The following IL1RAPL2 variants were observed in gnomAD, a reference collection of about 807,000 sequenced individuals.
IL1RAPL2 encodes the protein interleukin 1 receptor accessory protein like 2, also known as X-linked interleukin-1 receptor accessory protein-like 2.
In IL1RAPL2, 3 loss-of-function variants were observed where a neutral mutation model predicts 44.1. The observed-to-expected ratio is 0.07, with a 90% confidence interval of 0.03 to 0.18. The LOEUF is 0.18. Among genes scored for constraint, IL1RAPL2 ranks in the 10% least tolerant of loss-of-function variants. The pLI, the probability that IL1RAPL2 is intolerant of heterozygous loss-of-function variation, is 1.00. For missense variants in IL1RAPL2, 391 were observed against 496.4 expected, an observed-to-expected ratio of 0.79 and a Z score of 2.02; for synonymous variants, 181 against 178.8, an observed-to-expected ratio of 1.01 and a Z score of -0.10.
intron 6 of IL1RAPL2, among the ~76,000 whole-genome samples, chrX:105,547,685 G>T (rs187635244): frequency 8.9e-6 from 1 of 112,206 alleles, no homozygotes; most frequent in African/African-American, 3.2e-5. Flanking sequence ...TTCCCAAGTG[G>T]TTCTCATTCT....
At chrX:104,762,445 A>G (rs1483766809) in intron 2 of IL1RAPL2, among the ~76,000 whole-genome samples, 1 of 111,766 alleles carries the variant, frequency 8.9e-6, no homozygotes, top group Non-Finnish European at 1.9e-5. Context: ...GGCTGCCTTC[A>G]TGGGCTGGCA....
chrX:104,967,538 TAAGAG>T (rs982406375), intron 2 of IL1RAPL2, among the ~76,000 whole-genome samples: 4 of 108,544 alleles, frequency 3.7e-5, no homozygotes, highest in Non-Finnish European at 5.8e-5. Flanking sequence ...AAAAAGAAAA[TAAGAG>T]GAGGACAGAA....
chrX:104,611,632 T>A (rs1413099386), intron 1 of IL1RAPL2, among the ~76,000 whole-genome samples: 3 of 109,328 alleles, frequency 2.7e-5, no homozygotes, highest in African/African-American at 1.0e-4. Flanking sequence ...GGTCAGGAGA[T>A]CCAGACCATC....
At position 105,393,013 on chromosome X, in the gene IL1RAPL2, T is replaced by C. The variant is rs778525447; in HGVS notation, c.698-91300T>C. On this transcript the variant is annotated intron_variant, in intron 5 of 10. Transcript: ENST00000372582. Reference sequence around the variant, plus strand: ...GCGTAATCAACCAATGAGTTCTTTCTGCCTGCTGCACAGACAAAATCAATT... The same window carrying C: ...GCGTAATCAACCAATGAGTTCTTTCCGCCTGCTGCACAGACAAAATCAATT... Among the ~76,000 whole-genome samples, 7 of 112,867 alleles carry C rather than the reference T, an allele frequency of 6.2e-5. No homozygotes were observed. The East Asian group carries it at 1.7e-3, about 27-fold the overall frequency.
intron 2 of IL1RAPL2, among the ~76,000 whole-genome samples, chrX:104,933,651 A>G (rs1443732161): frequency 8.9e-6 from 1 of 111,752 alleles, no homozygotes; most frequent in African/African-American, 3.3e-5. Flanking sequence ...CATGTATTCC[A>G]TCAGTTCTGA....
intron 2 of IL1RAPL2, among the ~76,000 whole-genome samples, chrX:104,955,064 G>A (rs764814163): frequency 1.8e-5 from 2 of 112,091 alleles, no homozygotes; most frequent in East Asian, 2.8e-4. Context: ...GAAAAAGGGT[G>A]GTAACTTCTG....
chrX:105,603,585 G>A (rs1435810291), intron 6 of IL1RAPL2, among the ~76,000 whole-genome samples: 1 of 111,347 alleles, frequency 9.0e-6, no homozygotes, highest in Admixed American at 9.5e-5. Flanking sequence ...TATAATAATA[G>A]TTGAGGACTT....
At chrX:104,943,949 T>C (rs1045243048) in intron 2 of IL1RAPL2, among the ~76,000 whole-genome samples, 3 of 112,008 alleles carry the variant, frequency 2.7e-5, no homozygotes, top group African/African-American at 9.7e-5. Flanking sequence ...CAAATAATAC[T>C]ATGTCAGGAA....
At position 104,658,978 on chromosome X, in the gene IL1RAPL2, T is replaced by C. The variant is rs139525400; in HGVS notation, c.65T>C (p.Val22Ala). The change falls in exon 2 of 11, where the codon GTG (valine) becomes GCG (alanine). Residue 22 changes from valine to alanine, a missense_variant. By Grantham distance (64) the Val-to-Ala change is moderately conservative. This residue lies in a region of IL1RAPL2 where 159 missense variants were observed against 251.7 expected (regional missense o/e 0.63). Coordinates refer to ENST00000372582, the MANE Select transcript of IL1RAPL2 (RefSeq NM_017416.2). ...GTAGTCAGCACAAATCTGAAGATGG[T>C]GTCAAAGAGAAATTCTGGTAAGTTG... ...CSVVSTNLKM[V>A]SKRNSVDGCI... The C allele has an allele frequency of 9.4e-5, 113 of 1,201,398 alleles. No individual in the cohort carries two copies. In the African/African-American group the frequency reaches 1.7e-3, roughly 18 times the overall value.
At chrX:105,457,059 C>T (rs2036060926) in intron 5 of IL1RAPL2, among the ~76,000 whole-genome samples, 1 of 108,752 alleles carries the variant, frequency 9.2e-6, no homozygotes, top group Non-Finnish European at 1.9e-5. Context: ...CACACACACA[C>T]ACACACACAC....
chrX:104,675,326 A>G lies in IL1RAPL2; in HGVS notation c.82+16331A>G, dbSNP rs759884915. Among the ~76,000 whole-genome samples the G allele has an allele frequency of 6.3e-3, 706 of 111,782 alleles. 3 individuals carry two copies. Among genetic ancestry groups the G allele is most frequent in the African/African-American group, 0.022 (670 of 30,712 alleles). ...TTTGTTCTCATTGGTTTCAAAGAAC[A>G]TCTTTATTTCTGCCTTCATTTCGTT... is the stretch of plus-strand genomic sequence containing the variant. On this transcript the variant is annotated intron_variant, in intron 2 of 10. Coordinates refer to ENST00000372582, the MANE Select transcript of IL1RAPL2 (RefSeq NM_017416.2).
chrX:104,895,643 A>G (rs1013425734), intron 2 of IL1RAPL2, among the ~76,000 whole-genome samples: 2 of 112,203 alleles, frequency 1.8e-5, no homozygotes, highest in African/African-American at 6.5e-5. Context: ...ATAGCACAGT[A>G]TTAGGGTGGG....
intron 6 of IL1RAPL2, among the ~76,000 whole-genome samples, chrX:105,617,413 G>A (rs2147829608): frequency 9.0e-6 from 1 of 111,101 alleles, no homozygotes; most frequent in Non-Finnish European, 1.9e-5. Context: ...CTGGGGACTT[G>A]CTTCTTTGGT....
intron 5 of IL1RAPL2, among the ~76,000 whole-genome samples, chrX:105,309,776 T>A (rs2034782255): frequency 9.0e-6 from 1 of 111,074 alleles, no homozygotes; most frequent in South Asian, 3.8e-4. Context: ...GGTTTGTATA[T>A]TATTGGATTG....
intron 3 of IL1RAPL2, chrX:105,219,922 C>T (rs782268728): frequency 3.5e-6 from 4 of 1,147,251 alleles, no homozygotes; most frequent in South Asian, 2.0e-5. Flanking sequence ...GGGCAGGGAC[C>T]AGTTGAGGGA....
intron 6 of IL1RAPL2, among the ~76,000 whole-genome samples, chrX:105,623,226 G>A (rs1335077618): frequency 9.1e-6 from 1 of 109,594 alleles, no homozygotes; most frequent in Non-Finnish European, 1.9e-5. Context: ...ATTTATTCAA[G>A]GTCACATAAC....
chrX:104,659,520 G>A (rs1263232043), intron 2 of IL1RAPL2, among the ~76,000 whole-genome samples: 1 of 111,914 alleles, frequency 8.9e-6, no homozygotes, highest in Non-Finnish European at 1.9e-5. Context: ...AGAACATGTT[G>A]GTCTGGCAGG....
chrX:105,162,734 G>C (rs1364923358), intron 2 of IL1RAPL2, among the ~76,000 whole-genome samples: 1 of 111,528 alleles, frequency 9.0e-6, no homozygotes, highest in Non-Finnish European at 1.9e-5. Flanking sequence ...AAATATCATA[G>C]ACTAAGTGTC....
chrX:104,687,216 AAAAG>A (rs1369762307), intron 2 of IL1RAPL2, among the ~76,000 whole-genome samples: 1 of 112,046 alleles, frequency 8.9e-6, no homozygotes, highest in Admixed American at 9.5e-5. Flanking sequence ...TTTATAAAGA[AAAAG>A]AAGTTTATTT....
Sources: allele counts gnomAD v4.1 joint callset (sites outside exome capture counted in the v4.1 genomes callset), GRCh38; gene constraint gnomAD v4.1.1; regional missense constraint gnomAD v4.1.1; transcripts MANE v1.5; gene names NCBI Gene and HGNC (gene_info 2026-07-23, HGNC 2026-07-21).